LAMA1: variants seen among roughly 807,000 people sequenced by gnomAD.
LAMA1 encodes laminin subunit alpha-1.
LAMA1 carries 219 observed loss-of-function variants against 348.7 expected under a neutral mutation model. That is an observed-to-expected ratio of 0.63 (90% CI 0.56 to 0.70). The LOEUF (loss-of-function observed/expected upper bound fraction) is 0.70, where lower values mean the gene tolerates loss of function less well. LAMA1 is among the 30% of genes least tolerant of loss of function. The pLI is 0.00. For synonymous variants in LAMA1, 1,487 were observed against 1,491.0 expected (o/e 1.00, Z 0.06); for missense variants, 3,744 against 3,888.0 (o/e 0.96, Z 0.99).
At chr18:6,945,691 C>T (rs538765077) in intron 61 of LAMA1, among the ~76,000 whole-genome samples, 17 of 152,180 alleles carry the variant, frequency 1.1e-4, no homozygotes, top group Admixed American at 5.2e-4. Flanking sequence ...CATGACCCCA[C>T]GGGGAAGCGG....
rs979534593 is a variant in LAMA1 at position 7,014,127 on chromosome 18, G to T, written c.3127-76C>A. ...AAATGCACACATATTTGAATTACAG[G>T]AAAACACTACATGTGGGGAAGTTCT... On this transcript the variant is annotated intron_variant, in intron 22 of 62. Transcript: ENST00000389658. 4.5e-6 allele frequency: 5 copies of T among 1,119,752 alleles called. No individual in the cohort carries two copies. In the African/African-American group the frequency reaches 7.7e-5, roughly 17 times the overall value. The allele number at this position is 1,119,752 out of a possible 1,614,324, so 69.4% of individuals were successfully genotyped here. A position where few individuals can be genotyped will look rare whatever the true frequency, so the allele number is the denominator to read the frequency against.
chr18:7,047,627 C>T (rs534278331), intron 5 of LAMA1, among the ~76,000 whole-genome samples: 19 of 151,762 alleles, frequency 1.3e-4, no homozygotes, highest in Non-Finnish European at 2.2e-4. Flanking sequence ...AGAAACCTGA[C>T]CTCTCAAGAC....
At position 6,978,250 on chromosome 18, in the gene LAMA1, C is replaced by A; in HGVS notation, c.6136G>T (p.Val2046Phe). The change falls in exon 43 of 63, where the codon GTC (valine) becomes TTC (phenylalanine). Residue 2046 changes from valine to phenylalanine, a missense_variant. Physicochemically the swap from Val to Phe is conservative, Grantham distance 50. Around this residue, in one of 3 missense-constraint regions of LAMA1, gnomAD observed 1,983 missense variants for 1,934.3 expected, o/e 1.03. Transcript: ENST00000389658. ...TGTGTCTCTCGTAATGTGGTGTTGA[C>A]CCTGGACAGGCTGGCAGATGTGTTC... is the stretch of plus-strand genomic sequence containing the variant. ...LLNTSASLSR[V>F]NTTLRETHQL... is the part of the protein sequence containing the mutation. 1 of 1,614,178 alleles carries A rather than the reference C, an allele frequency of 6.2e-7. No individual in the cohort carries two copies. Among genetic ancestry groups the A allele is most frequent in the East Asian group, 2.2e-5 (1 of 44,876 alleles).
intron 46 of LAMA1, among the ~76,000 whole-genome samples, 165 bp downstream of exon 46, chr18:6,974,738 G>A (rs969379644): frequency 2.0e-5 from 3 of 151,984 alleles, no homozygotes; most frequent in African/African-American, 7.2e-5. Context: ...GTGAGCCACT[G>A]GCCACAAATG....
chr18:7,032,924 T>C, intron 15 of LAMA1, 60 bp downstream of exon 15: 2 of 1,240,746 alleles, frequency 1.6e-6, no homozygotes, highest in South Asian at 1.3e-5. Context: ...TCCCCTTCAG[T>C]GCACTGTTTT....
chr18:6,972,596 G>T (rs533580842), intron 47 of LAMA1, among the ~76,000 whole-genome samples: 1 of 152,196 alleles, frequency 6.6e-6, no homozygotes, highest in African/African-American at 2.4e-5. Context: ...TACAAAACCA[G>T]CCTAACTCTG....
chr18:6,978,212 C>T lies in LAMA1; in HGVS notation c.6174G>A (p.Gln2058=). Residue 2058 remains glutamine, a synonymous_variant, in exon 43 of 63, where the codon CAG becomes CAA. Coordinates refer to ENST00000389658, the MANE Select transcript of LAMA1 (RefSeq NM_005559.4). ...CTGACATACTGGCCATGGTGGAGTC[C>T]TGCAGAAGCTGGTGTGTCTCTCGTA... ...TTLRETHQLL[Q]DSTMATLLAG... is the part of the protein sequence containing the mutation. The T allele has an allele frequency of 6.2e-7, 1 of 1,614,234 alleles. No homozygotes were observed.
intron 6 of LAMA1, among the ~76,000 whole-genome samples, chr18:7,045,953 CT>C (rs77576027): frequency 3.8e-3 from 540 of 142,612 alleles, no homozygotes; most frequent in Middle Eastern, 0.011. Context: ...TATAATTGCA[CT>C]TTTTTTTTTT....
chr18:6,952,549 C>T (rs546941358), intron 57 of LAMA1, among the ~76,000 whole-genome samples: 101 of 152,314 alleles, frequency 6.6e-4, no homozygotes, highest in African/African-American at 2.1e-3. Context: ...TTCTTATTTG[C>T]GGTTTTGCCT....
Position 7,011,980 on chromosome 18 carries a change from C to T in LAMA1, c.3507+15G>A, listed in dbSNP as rs907374471. The T allele has an allele frequency of 6.3e-6, 10 of 1,594,674 alleles. No homozygotes were observed. The Admixed American group carries it at 1.8e-4, about 28-fold the overall frequency. ...TGGGGTTAGAAGCAGAACACTTTCG[C>T]TGTGTGTGACTTACTGGGGTCCTCA... On this transcript the variant is annotated intron_variant, in intron 24 of 62. Coordinates refer to ENST00000389658, the MANE Select transcript of LAMA1 (RefSeq NM_005559.4).
chr18:7,085,661 G>T (rs148550248), intron 1 of LAMA1, among the ~76,000 whole-genome samples: 1 of 151,824 alleles, frequency 6.6e-6, no homozygotes, highest in African/African-American at 2.4e-5. Flanking sequence ...TTCCTGATCC[G>T]CCCGCCTCAG....
chr18:6,977,598 A>T, intron 44 of LAMA1, 129 bp downstream of exon 44: 1 of 1,029,002 alleles, frequency 9.7e-7, no homozygotes, highest in Non-Finnish European at 1.4e-6. Flanking sequence ...GGAAGCCCAG[A>T]TTATTGGGAT....
rs770581791 is a variant in LAMA1 at position 7,043,404 on chromosome 18, T to G, written c.978A>C (p.Ala326=). The change falls in exon 8 of 63, where the codon GCA becomes GCC. Residue 326 remains alanine, a splice_region_variant and synonymous_variant. Transcript: ENST00000389658. The part of the protein sequence containing the change: ...GTVSSGNTCE[A]CNCHNKAKDC... ...CTTTGGCTTTATTGTGACAATTACA[T>G]GCTAGGAGAATATTTTTAACATCTC... The G allele has an allele frequency of 2.5e-6, 4 of 1,612,100 alleles. No individual in the cohort carries two copies. The African/African-American group carries it at 5.3e-5, about 22-fold the overall frequency.
At chr18:7,090,475 AG>A (rs932829271) in intron 1 of LAMA1, among the ~76,000 whole-genome samples, 1 of 152,136 alleles carries the variant, frequency 6.6e-6, no homozygotes, top group Non-Finnish European at 1.5e-5. Flanking sequence ...AGAAACACTA[AG>A]GGGAGAATAA....
At chr18:6,953,878 A>T (rs964551050) in intron 57 of LAMA1, 1 of 152,522 alleles carries the variant, frequency 6.6e-6, no homozygotes, top group African/African-American at 2.4e-5. Context: ...GGCGGATGGG[A>T]TCCAGAGGAC....
In LAMA1 at chr18:6,947,179, T is replaced by C. The variant is rs756601047; in HGVS notation, c.8828A>G (p.Glu2943Gly). The C allele has an allele frequency of 3.7e-6, 6 of 1,614,188 alleles. No individual in the cohort carries two copies. The highest frequency in any genetic ancestry group is 5.1e-6 in the Non-Finnish European group (6 of 1,180,044). The change falls in exon 61 of 63, where the codon GAG (glutamate) becomes GGG (glycine). Residue 2943 changes from glutamate to glycine, a missense_variant. By Grantham distance (98) the Glu-to-Gly change is moderately conservative. Transcript: ENST00000389658. The stretch of plus-strand genomic sequence containing the variant: ...AGCACCCACCTTGCCGTCCACAAGC[T>C]CTAGTCCAATGGCATCCACTTTGGC... ...STAKVDAIGLELVDGKVLFHV... is the reference protein window; with the variant it reads ...STAKVDAIGLGLVDGKVLFHV...
chr18:7,042,007 G>C, intron 9 of LAMA1, 138 bp downstream of exon 9: 1 of 695,506 alleles, frequency 1.4e-6, no homozygotes, highest in Non-Finnish European at 2.6e-6. Flanking sequence ...CACATAGTAG[G>C]TGCTTGATAC....
intron 21 of LAMA1, 121 bp downstream of exon 21, chr18:7,016,370 C>T (rs2057887769): frequency 9.0e-7 from 1 of 1,111,580 alleles, no homozygotes; most frequent in African/African-American, 1.5e-5. Context: ...GTATGAAATC[C>T]TCCAGGGAAA....
chr18:7,088,578 T>C (rs999376363), intron 1 of LAMA1, among the ~76,000 whole-genome samples: 1 of 152,050 alleles, frequency 6.6e-6, no homozygotes, highest in African/African-American at 2.4e-5. Context: ...AGTGCAGCGG[T>C]GCAATCACAG....
Sources: gnomAD v4.1 joint callset for allele counts (sites outside exome capture counted in the v4.1 genomes callset) on GRCh38, gnomAD v4.1.1 for gene constraint, gnomAD v4.1.1 regional missense constraint, MANE v1.5 for transcripts, NCBI Gene and HGNC (gene_info 2026-07-23, HGNC 2026-07-21) for gene names.